MCTP1: variants seen among roughly 807,000 people sequenced by gnomAD.
MCTP1 encodes multiple C2 and transmembrane domain containing 1.
MCTP1 carries 69 observed loss-of-function variants against 120.6 expected under a neutral mutation model. The observed-to-expected ratio is 0.57, with a 90% CI of 0.47 to 0.70. The LOEUF (loss-of-function observed/expected upper bound fraction) is 0.70, where lower values mean the gene tolerates loss of function less well. Among genes scored for constraint, MCTP1 ranks in the 30% least tolerant of loss-of-function variants. The pLI is 0.00. For synonymous variants in MCTP1, 529 were observed against 493.1 expected (o/e 1.07, Z -0.96); for missense variants, 1,203 against 1,248.8 (o/e 0.96, Z 0.55).
At position 95,114,792 on chromosome 5, in the gene MCTP1, C is replaced by T. The variant is rs13436212; in HGVS notation, c.721-97308G>A. ...GCTGATGATTGTAGAGCCCCAGGGC[C>T]TTGCACGAACATAGGTGGCAGCCAG... is the stretch of plus-strand genomic sequence containing the variant. On this transcript the variant is annotated intron_variant, in intron 1 of 22. Transcript: ENST00000515393. Among the ~76,000 whole-genome samples the T allele has an allele frequency of 2.6e-3, 401 of 152,312 alleles. 1 individual carries two copies. Among genetic ancestry groups the T allele is most frequent in the African/African-American group, 9.3e-3 (388 of 41,594 alleles).
intron 2 of MCTP1, among the ~76,000 whole-genome samples, chr5:94,973,122 ATT>A (rs1272899504): frequency 6.6e-6 from 1 of 152,184 alleles, no homozygotes; most frequent in Non-Finnish European, 1.5e-5. Flanking sequence ...TATTCTCAGT[ATT>A]TTACAGATGA....
chr5:94,879,640 T>A (rs1799637616), intron 12 of MCTP1, among the ~76,000 whole-genome samples: 1 of 152,132 alleles, frequency 6.6e-6, no homozygotes, highest in Non-Finnish European at 1.5e-5. Context: ...CTAGAAATAA[T>A]AAATCCATGA....
In MCTP1 at chr5:95,125,804, T is replaced by C. The variant is rs1758578458; in HGVS notation, c.721-108320A>G. 1.3e-5 allele frequency among the ~76,000 whole-genome samples: 2 copies of C among 152,210 alleles called. 1 individual carries two copies. Among genetic ancestry groups the C allele is most frequent in the African/African-American group, 4.8e-5 (2 of 41,444 alleles). On this transcript the variant is annotated intron_variant, in intron 1 of 22. Transcript: ENST00000515393. ...ATACATAAACTATATGTTTTGAAATTAGTGTTTACAACTTATCAGGTCTGA... is the reference window on the plus strand; with the variant it reads ...ATACATAAACTATATGTTTTGAAATCAGTGTTTACAACTTATCAGGTCTGA...
intron 12 of MCTP1, among the ~76,000 whole-genome samples, chr5:94,874,889 T>C (rs1476150920): frequency 6.6e-6 from 1 of 152,152 alleles, no homozygotes; most frequent in Admixed American, 6.6e-5. Flanking sequence ...GCAACACCTT[T>C]CAATATAAGC....
intron 1 of MCTP1, among the ~76,000 whole-genome samples, chr5:95,231,337 GAT>G (rs138755290): frequency 6.7e-5 from 10 of 149,672 alleles, no homozygotes; most frequent in Non-Finnish European, 8.9e-5. Context: ...GATGGATAAG[GAT>G]ATATATATAT....
At chr5:94,758,794 TATC>T (rs754482735) in intron 19 of MCTP1, among the ~76,000 whole-genome samples, 2 of 152,184 alleles carry the variant, frequency 1.3e-5, no homozygotes, top group African/African-American at 4.8e-5. Context: ...ACAATTTTGT[TATC>T]ATGGAGAAAA....
chr5:95,145,646 A>G (rs1289707053), intron 1 of MCTP1, among the ~76,000 whole-genome samples: 1 of 152,190 alleles, frequency 6.6e-6, no homozygotes, highest in Non-Finnish European at 1.5e-5. Context: ...TATTAAGATA[A>G]TCATATGGGT....
At chr5:94,998,509 T>G (rs1376539016) in intron 2 of MCTP1, among the ~76,000 whole-genome samples, 1 of 152,196 alleles carries the variant, frequency 6.6e-6, no homozygotes, top group Non-Finnish European at 1.5e-5. Flanking sequence ...ACAATATCCC[T>G]TTTTATATGC....
intron 9 of MCTP1, among the ~76,000 whole-genome samples, chr5:94,910,997 T>C (rs953186079): frequency 6.6e-6 from 1 of 152,232 alleles, no homozygotes; most frequent in African/African-American, 2.4e-5. Flanking sequence ...GCCTTCCCTA[T>C]ATTATTTCCT....
intron 1 of MCTP1, among the ~76,000 whole-genome samples, chr5:95,119,008 A>G (rs1244752980): frequency 1.3e-5 from 2 of 152,230 alleles, no homozygotes; most frequent in Non-Finnish European, 2.9e-5. Flanking sequence ...GACACATTAA[A>G]CTTAATCTGC....
intron 17 of MCTP1, among the ~76,000 whole-genome samples, chr5:94,851,992 CTTAAT>C (rs1189637303): frequency 1.3e-5 from 2 of 151,702 alleles, no homozygotes; most frequent in African/African-American, 2.4e-5. Context: ...GATTAATGAT[CTTAAT>C]TTTATTTTAA....
At chr5:94,843,852 T>C (rs747951816) in intron 17 of MCTP1, among the ~76,000 whole-genome samples, 4 of 152,144 alleles carry the variant, frequency 2.6e-5, no homozygotes, top group South Asian at 2.1e-4. Context: ...ATAAGGAGAA[T>C]TGACTGATTT....
chr5:95,079,539 C>A (rs555242084), intron 1 of MCTP1, among the ~76,000 whole-genome samples: 1 of 152,190 alleles, frequency 6.6e-6, no homozygotes, highest in South Asian at 2.1e-4. Flanking sequence ...TGTTTACCTT[C>A]ATCTCTTAAT....
At chr5:95,213,843 C>A (rs533495080) in intron 1 of MCTP1, among the ~76,000 whole-genome samples, 1 of 152,262 alleles carries the variant, frequency 6.6e-6, no homozygotes, top group Admixed American at 6.5e-5. Flanking sequence ...CCCTTCCTTA[C>A]ACCTTATACA....
chr5:94,799,498 T>C (rs952234998), intron 17 of MCTP1, among the ~76,000 whole-genome samples: 1 of 152,124 alleles, frequency 6.6e-6, no homozygotes, highest in Non-Finnish European at 1.5e-5. Context: ...TTATCTGCCT[T>C]AATGATAAAA....
intron 1 of MCTP1, among the ~76,000 whole-genome samples, chr5:95,049,871 T>C (rs1745445865): frequency 6.6e-6 from 1 of 152,156 alleles, no homozygotes; most frequent in African/African-American, 2.4e-5. Context: ...GTATCACCTG[T>C]CTTCTCTCTT....
intron 1 of MCTP1, among the ~76,000 whole-genome samples, chr5:95,278,916 T>A (rs911622374): frequency 1.3e-5 from 2 of 150,006 alleles, no homozygotes; most frequent in Non-Finnish European, 3.0e-5. Context: ...GAGCCAAGAT[T>A]GCACCATTGC....
chr5:95,146,489 A>T (rs1314858665), intron 1 of MCTP1, among the ~76,000 whole-genome samples: 1 of 152,070 alleles, frequency 6.6e-6, no homozygotes, highest in Non-Finnish European at 1.5e-5. Context: ...ATTAATTTGA[A>T]ATCTTTCTAA....
chr5:95,255,008 CAA>C (rs1341749795), intron 1 of MCTP1, among the ~76,000 whole-genome samples: 1 of 152,088 alleles, frequency 6.6e-6, no homozygotes, highest in Non-Finnish European at 1.5e-5. Flanking sequence ...GTAAATTTCT[CAA>C]AACTTTCAGG....
Sources: allele counts gnomAD v4.1 joint callset (sites outside exome capture counted in the v4.1 genomes callset), GRCh38; gene constraint gnomAD v4.1.1; transcripts MANE v1.5; gene names NCBI Gene and HGNC (gene_info 2026-07-23, HGNC 2026-07-21).